The following SPOCK1 variants were observed in gnomAD, a reference collection of about 807,000 sequenced individuals.
SPOCK1 encodes SPARC (osteonectin), cwcv and kazal like domains proteoglycan 1, also known as testican-1.
A neutral mutation model predicts 55.3 loss-of-function variants in SPOCK1; 23 were observed. The observed-to-expected ratio is 0.42, with a 90% CI of 0.30 to 0.59. SPOCK1 has a LOEUF of 0.59. SPOCK1 is among the 20% of genes least tolerant of loss of function. The probability of loss-of-function intolerance (pLI) is 0.22; values close to 1 mark genes in which losing one functional copy is unlikely to be tolerated. For missense variants in SPOCK1, 499 were observed against 552.5 expected (o/e 0.90, Z 0.97); for synonymous variants, 226 against 221.0 (o/e 1.02, Z -0.20).
At chr5:137,455,589 G>A (rs1194233363) in intron 2 of SPOCK1, among the ~76,000 whole-genome samples, 1 of 152,154 alleles carries the variant, frequency 6.6e-6, no homozygotes, top group Non-Finnish European at 1.5e-5. Flanking sequence ...CATTTACCAT[G>A]GGAATCTGTG....
At chr5:137,006,073 C>T (rs62387875) in intron 6 of SPOCK1, among the ~76,000 whole-genome samples, 41,743 of 151,986 alleles carry the variant, frequency 0.27, 5,823 homozygotes, top group South Asian at 0.3. Context: ...CATGTCTGTT[C>T]TGGTACCAGT....
intron 3 of SPOCK1, among the ~76,000 whole-genome samples, chr5:137,244,435 A>G (rs80351601): frequency 1.3e-5 from 2 of 152,222 alleles, no homozygotes; most frequent in Admixed American, 1.3e-4. Flanking sequence ...TTGAAGGGGG[A>G]AAAAACCATT....
intron 6 of SPOCK1, among the ~76,000 whole-genome samples, chr5:137,054,074 C>A (rs1007182826): frequency 6.6e-6 from 1 of 151,964 alleles, no homozygotes; most frequent in Non-Finnish European, 1.5e-5. Context: ...TGTGTGCATG[C>A]GCATGCACAC....
At chr5:137,361,413 T>C (rs1301121355) in intron 2 of SPOCK1, among the ~76,000 whole-genome samples, 1 of 152,214 alleles carries the variant, frequency 6.6e-6, no homozygotes, top group East Asian at 1.9e-4. Flanking sequence ...GGGTCTGGGA[T>C]ATAAGAGGCA....
intron 5 of SPOCK1, among the ~76,000 whole-genome samples, chr5:137,077,582 T>C (rs1209422363): frequency 2.0e-5 from 3 of 152,208 alleles, no homozygotes; most frequent in Non-Finnish European, 4.4e-5. Context: ...CTCACAGACC[T>C]GAATCAGGTG....
intron 6 of SPOCK1, among the ~76,000 whole-genome samples, chr5:137,039,282 TTTTTTTTTTTTTTTTTG>T (rs1201023573): frequency 2.7e-5 from 3 of 112,012 alleles, no homozygotes; most frequent in African/African-American, 5.0e-5. Flanking sequence ...TTTTTTTTTT[TTTTTTTTTTTTTTTTTG>T]TTGTTGCAAC....
intron 3 of SPOCK1, among the ~76,000 whole-genome samples, chr5:137,150,073 G>A (rs2127057476): frequency 6.6e-6 from 1 of 152,264 alleles, no homozygotes; most frequent in Admixed American, 6.5e-5. Flanking sequence ...GAAAATGGAT[G>A]TCCACCAAGG....
At chr5:137,116,013 A>C (rs956386154) in intron 4 of SPOCK1, among the ~76,000 whole-genome samples, 10 of 152,210 alleles carry the variant, frequency 6.6e-5, no homozygotes, top group African/African-American at 2.4e-4. Context: ...ATATTTGTCA[A>C]CTGGGGTGAC....
chr5:136,979,558 T>G, intron 9 of SPOCK1, 89 bp from the exon 10 acceptor site: 1 of 1,487,786 alleles, frequency 6.7e-7, no homozygotes, highest in Non-Finnish European at 9.1e-7. Context: ...AGGGCTCACA[T>G]GTCAGAATAT....
intron 2 of SPOCK1, among the ~76,000 whole-genome samples, chr5:137,365,832 T>A (rs140896524): frequency 6.6e-6 from 1 of 152,232 alleles, no homozygotes; most frequent in African/African-American, 2.4e-5. Context: ...ATATTACTCA[T>A]GCAATCAAAG....
chr5:137,262,613 G>A (rs1014986493), intron 3 of SPOCK1, among the ~76,000 whole-genome samples: 6 of 152,148 alleles, frequency 3.9e-5, no homozygotes, highest in African/African-American at 1.2e-4. Flanking sequence ...TCAGGCATTT[G>A]GTAACTGCTT....
chr5:137,079,455 G>C (rs1752832973), intron 5 of SPOCK1, among the ~76,000 whole-genome samples: 1 of 151,610 alleles, frequency 6.6e-6, no homozygotes, highest in Non-Finnish European at 1.5e-5. Context: ...ATACTCCTTA[G>C]GTCCATGAAT....
intron 2 of SPOCK1, among the ~76,000 whole-genome samples, chr5:137,378,803 G>A (rs972998957): frequency 2.0e-5 from 3 of 152,154 alleles, no homozygotes; most frequent in African/African-American, 7.2e-5. Flanking sequence ...TTTCCTTGTG[G>A]GGAGTTTGAA....
At chr5:137,184,641 T>C (rs1286600571) in intron 3 of SPOCK1, among the ~76,000 whole-genome samples, 1 of 152,086 alleles carries the variant, frequency 6.6e-6, no homozygotes, top group Non-Finnish European at 1.5e-5. Flanking sequence ...GCAGAGAATA[T>C]TGGGGCAGCC....
chr5:137,300,904 C>T (rs1469194789), intron 2 of SPOCK1, among the ~76,000 whole-genome samples: 5 of 152,158 alleles, frequency 3.3e-5, no homozygotes, highest in Non-Finnish European at 5.9e-5. Context: ...CCAAGTGCAG[C>T]TCTCTTCTCA....
chr5:137,456,886 A>T (rs1305124601), intron 2 of SPOCK1, among the ~76,000 whole-genome samples: 2 of 152,216 alleles, frequency 1.3e-5, no homozygotes, highest in Non-Finnish European at 2.9e-5. Context: ...CTACAGAAGA[A>T]ATTCATTGTT....
At chr5:137,456,109 C>T (rs541981889) in intron 2 of SPOCK1, among the ~76,000 whole-genome samples, 105 of 152,180 alleles carry the variant, frequency 6.9e-4, no homozygotes, top group African/African-American at 2.5e-3. Flanking sequence ...AATTCAGAGA[C>T]TAATTTCTTT....
chr5:136,986,546 G>C (rs1001976469), intron 8 of SPOCK1, among the ~76,000 whole-genome samples: 1 of 152,000 alleles, frequency 6.6e-6, no homozygotes, highest in African/African-American at 2.4e-5. Context: ...AAAATGAAGA[G>C]AAAAATTATC....
At chr5:137,284,238 A>T (rs1450958342) in intron 2 of SPOCK1, among the ~76,000 whole-genome samples, 1 of 152,126 alleles carries the variant, frequency 6.6e-6, no homozygotes, top group Admixed American at 6.5e-5. Flanking sequence ...TACTGCCCCA[A>T]ATTGGCTACA....
Sources: gnomAD v4.1 joint callset for allele counts (sites outside exome capture counted in the v4.1 genomes callset) on GRCh38, gnomAD v4.1.1 for gene constraint, MANE v1.5 for transcripts, NCBI Gene and HGNC (gene_info 2026-07-23, HGNC 2026-07-21) for gene names.